The following DLG2 variants were observed in gnomAD, a reference collection of about 807,000 sequenced individuals.
The protein encoded by DLG2 is disks large homolog 2.
Under a neutral mutation model 132.5 loss-of-function variants are expected in DLG2, and 45 were observed. The observed-to-expected ratio is 0.34, with a 90% CI of 0.27 to 0.44. The LOEUF (loss-of-function observed/expected upper bound fraction) is 0.44. DLG2 is among the 20% of genes least tolerant of loss of function. The pLI is 1.00. For missense variants in DLG2, 1,045 were observed against 1,196.9 expected, an observed-to-expected ratio of 0.87 and a Z score of 1.87; for synonymous variants, 424 against 419.6, an observed-to-expected ratio of 1.01 and a Z score of -0.13.
intron 19 of DLG2, among the ~76,000 whole-genome samples, chr11:83,601,852 C>T (rs1432332321): frequency 1.3e-5 from 2 of 152,064 alleles, no homozygotes; most frequent in African/African-American, 2.4e-5. Context: ...AGAAGAACAA[C>T]TTGCTGTGAT....
chr11:85,106,841 A>G (rs544654420), intron 6 of DLG2, among the ~76,000 whole-genome samples: 60 of 152,164 alleles, frequency 3.9e-4, no homozygotes, highest in African/African-American at 1.4e-3. Flanking sequence ...ACCCTTAACT[A>G]TGACCAAATA....
In DLG2 at chr11:84,307,592, G is replaced by A. The variant is rs1015147300; in HGVS notation, c.520-56301C>T. ...GCGCCTGTAGTCCCAGCTACTCAGG[G>A]CCCTGAGGCAGGAGAATGGCGTGAA... On this transcript the variant is annotated intron_variant, in intron 7 of 27. Transcript: ENST00000376104. 4.0e-5 allele frequency among the ~76,000 whole-genome samples: 6 copies of A among 151,482 alleles called. No homozygotes were observed. In the East Asian group the frequency reaches 9.8e-4, roughly 25 times the overall value.
intron 6 of DLG2, among the ~76,000 whole-genome samples, chr11:85,077,837 T>A (rs2066749121): frequency 6.6e-6 from 1 of 151,992 alleles, no homozygotes; most frequent in Non-Finnish European, 1.5e-5. Flanking sequence ...AGAGGGATAG[T>A]CTCCATTATA....
intron 7 of DLG2, among the ~76,000 whole-genome samples, chr11:84,423,988 C>T (rs954309533): frequency 6.6e-6 from 1 of 152,086 alleles, no homozygotes; most frequent in Non-Finnish European, 1.5e-5. Context: ...ATGCTGGACA[C>T]TGACTTATTT....
At chr11:84,718,930 C>T (rs1286960652) in intron 6 of DLG2, among the ~76,000 whole-genome samples, 1 of 152,088 alleles carries the variant, frequency 6.6e-6, no homozygotes, top group Non-Finnish European at 1.5e-5. Context: ...TTTAACCAAC[C>T]CTACAGTGTA....
intron 6 of DLG2, among the ~76,000 whole-genome samples, chr11:84,888,824 T>G (rs2088810135): frequency 6.6e-6 from 1 of 152,188 alleles, no homozygotes; most frequent in South Asian, 2.1e-4. Flanking sequence ...CATTCTGCTA[T>G]TACTGTGGTC....
chr11:85,294,070 C>T (rs140139751), intron 3 of DLG2, among the ~76,000 whole-genome samples: 3 of 151,378 alleles, frequency 2.0e-5, no homozygotes, highest in East Asian at 2.0e-4. Context: ...GATGAGAACC[C>T]GTATCTACAA....
chr11:84,463,778 A>T (rs2099086738), intron 7 of DLG2, among the ~76,000 whole-genome samples: 1 of 151,138 alleles, frequency 6.6e-6, no homozygotes, highest in African/African-American at 2.4e-5. Context: ...CTGGAAGAAA[A>T]TCCCTAATCT....
chr11:83,585,626 GAAC>G (rs2097071223), intron 19 of DLG2, among the ~76,000 whole-genome samples: 1 of 152,140 alleles, frequency 6.6e-6, no homozygotes, highest in Non-Finnish European at 1.5e-5. Context: ...ATTAACACAT[GAAC>G]AACATTTGGA....
At chr11:85,131,443 A>T (rs557164147) in intron 5 of DLG2, among the ~76,000 whole-genome samples, 8 of 152,188 alleles carry the variant, frequency 5.3e-5, no homozygotes, top group African/African-American at 1.9e-4. Flanking sequence ...GAAGAGTAAC[A>T]TATTTAAGAG....
At chr11:83,675,507 T>C (rs1365780829) in intron 18 of DLG2, among the ~76,000 whole-genome samples, 1 of 152,220 alleles carries the variant, frequency 6.6e-6, no homozygotes, top group Non-Finnish European at 1.5e-5. Context: ...AAGAAGATGA[T>C]GATGATTTTG....
intron 7 of DLG2, among the ~76,000 whole-genome samples, chr11:84,255,135 G>A (rs2097446159): frequency 6.6e-6 from 1 of 152,018 alleles, no homozygotes; most frequent in African/African-American, 2.4e-5. Flanking sequence ...CTCACCAGTT[G>A]GTAATTCCAA....
intron 7 of DLG2, among the ~76,000 whole-genome samples, chr11:84,296,685 T>C (rs1052485342): frequency 6.6e-6 from 1 of 152,242 alleles, no homozygotes; most frequent in South Asian, 2.1e-4. Context: ...AGCAAGCCTC[T>C]CACCTTACCC....
At chr11:84,717,632 G>A (rs1344858536) in intron 6 of DLG2, among the ~76,000 whole-genome samples, 1 of 151,914 alleles carries the variant, frequency 6.6e-6, no homozygotes, top group African/African-American at 2.4e-5. Context: ...ACAGCATAGA[G>A]CAAAGAAAAA....
At chr11:84,393,117 G>A (rs893823620) in intron 7 of DLG2, among the ~76,000 whole-genome samples, 2 of 152,068 alleles carry the variant, frequency 1.3e-5, no homozygotes, top group Non-Finnish European at 2.9e-5. Flanking sequence ...GAAATCAGAC[G>A]GGATCGCCTT....
At chr11:83,800,861 T>A (rs1315060360) in intron 17 of DLG2, among the ~76,000 whole-genome samples, 1 of 152,104 alleles carries the variant, frequency 6.6e-6, no homozygotes, top group Admixed American at 6.5e-5. Flanking sequence ...TAAGAATATA[T>A]AAGCAAAAAA....
At position 85,039,985 on chromosome 11, in the gene DLG2, G is replaced by C. The variant is rs541637070; in HGVS notation, c.357+71676C>G. Among the ~76,000 whole-genome samples the C allele has an allele frequency of 1.4e-4, 21 of 151,938 alleles. 2 individuals are homozygous for C. Among genetic ancestry groups the C allele is most frequent in the African/African-American group, 5.1e-4 (21 of 41,496 alleles). On this transcript the variant is annotated intron_variant, in intron 6 of 27. Coordinates refer to ENST00000376104, the MANE Select transcript of DLG2 (RefSeq NM_001142699.3). Reference sequence around the variant, plus strand: ...TTGGAAGATGGAGAGAACACCATCTGGGGGAGAGCCTAACAAAGGGGAGAA... The same window carrying C: ...TTGGAAGATGGAGAGAACACCATCTCGGGGAGAGCCTAACAAAGGGGAGAA...
intron 15 of DLG2, among the ~76,000 whole-genome samples, chr11:83,927,695 T>G (rs916301391): frequency 6.6e-6 from 1 of 152,128 alleles, no homozygotes; most frequent in Non-Finnish European, 1.5e-5. Flanking sequence ...TGATCTGTAT[T>G]TTTTACAGAT....
chr11:85,597,898 TG>T (rs1164515345), intron 3 of DLG2, among the ~76,000 whole-genome samples: 6 of 147,086 alleles, frequency 4.1e-5, no homozygotes, highest in Non-Finnish European at 7.7e-5. Context: ...GTTAGTTGGT[TG>T]TTTTTTTGGG....
Sources: gnomAD v4.1 joint callset for allele counts (sites outside exome capture counted in the v4.1 genomes callset) on GRCh38, gnomAD v4.1.1 for gene constraint, MANE v1.5 for transcripts, NCBI Gene and HGNC (gene_info 2026-07-23, HGNC 2026-07-21) for gene names.